ANKRD13A: variants seen among roughly 807,000 people sequenced by gnomAD.
ANKRD13A encodes ankyrin repeat domain-containing protein 13A.
In ANKRD13A, 48 loss-of-function variants were observed where a neutral mutation model predicts 81.3. That is an observed-to-expected ratio of 0.59 (90% CI 0.47 to 0.75). ANKRD13A has a LOEUF of 0.75. ANKRD13A is among the 30% of genes least tolerant of loss of function. ANKRD13A has a pLI of 0.00. For synonymous variants in ANKRD13A, 230 were observed against 270.1 expected (o/e 0.85, Z 1.45); for missense variants, 612 against 734.0 (o/e 0.83, Z 1.92).
chr12:110,022,155 A>C (rs1261045457), intron 6 of ANKRD13A: 1 of 152,198 alleles, frequency 6.6e-6, no homozygotes, highest in Non-Finnish European at 1.5e-5. Flanking sequence ...TGCTTCCAAG[A>C]GTGGAAATGC....
At chr12:110,019,642 T>A (rs533040595) in intron 6 of ANKRD13A, among the ~76,000 whole-genome samples, 3 of 152,212 alleles carry the variant, frequency 2.0e-5, no homozygotes, top group Non-Finnish European at 4.4e-5. Context: ...TGTCTTAGTG[T>A]TTATGGATCC....
At chr12:110,003,748 G>C (rs896317905) in intron 1 of ANKRD13A, among the ~76,000 whole-genome samples, 14 of 152,218 alleles carry the variant, frequency 9.2e-5, no homozygotes, top group Non-Finnish European at 1.9e-4. Flanking sequence ...CTCGGCAGGA[G>C]GATGGCAAGA....
rs566668509 is a variant in ANKRD13A, at chr12:110,034,682, C to A, written c.1509+725C>A. ...GGACAGTCCAAGGCTTGAGGTCCTC[C>A]TCCCCTAACATCAACTCCTTCCATC... On this transcript the variant is annotated intron_variant, in intron 13 of 14. Coordinates refer to ENST00000261739, the MANE Select transcript of ANKRD13A (RefSeq NM_033121.2). Among the ~76,000 whole-genome samples the A allele has an allele frequency of 1.1e-4, 17 of 152,302 alleles. 1 individual carries two copies. In the East Asian group the frequency reaches 1.9e-3, roughly 17 times the overall value.
chr12:110,019,809 T>A (rs1356889321), intron 6 of ANKRD13A, among the ~76,000 whole-genome samples: 1 of 152,162 alleles, frequency 6.6e-6, no homozygotes, highest in Admixed American at 6.6e-5. Context: ...AACCCACCTG[T>A]GAGGTTTAAT....
intron 3 of ANKRD13A, among the ~76,000 whole-genome samples, chr12:110,015,790 A>G (rs1025892847): frequency 1.3e-5 from 2 of 150,502 alleles, no homozygotes; most frequent in Non-Finnish European, 3.0e-5. Context: ...TAACTCATCC[A>G]CCCGCCTCGG....
intron 1 of ANKRD13A, among the ~76,000 whole-genome samples, chr12:110,004,337 C>G (rs1232097578): frequency 6.6e-6 from 1 of 151,414 alleles, no homozygotes; most frequent in African/African-American, 2.4e-5. Flanking sequence ...GAATTCCAGC[C>G]GGGCGTGGTG....
intron 1 of ANKRD13A, among the ~76,000 whole-genome samples, chr12:110,002,480 G>A (rs1321998532): frequency 6.6e-6 from 1 of 152,120 alleles, no homozygotes; most frequent in African/African-American, 2.4e-5. Context: ...GCTGGATGTG[G>A]TGGCACGTGC....
intron 13 of ANKRD13A, among the ~76,000 whole-genome samples, chr12:110,034,288 A>C (rs1336628714): frequency 6.6e-6 from 1 of 152,072 alleles, no homozygotes; most frequent in Non-Finnish European, 1.5e-5. Flanking sequence ...ATTTTTCCTG[A>C]AGGATTACCT....
At chr12:110,007,012 T>C (rs1200762823) in intron 1 of ANKRD13A, among the ~76,000 whole-genome samples, 4 of 152,216 alleles carry the variant, frequency 2.6e-5, no homozygotes, top group African/African-American at 9.6e-5. Flanking sequence ...TGACCATAAA[T>C]GTGTGGGTTT....
At chr12:110,028,490 C>T (rs1397986844) in intron 9 of ANKRD13A, 22 bp from the exon 10 acceptor site, 1 of 1,613,456 alleles carries the variant, frequency 6.2e-7, no homozygotes, top group Non-Finnish European at 8.5e-7. Context: ...ATTTCTGACT[C>T]TCCTGAGTTC....
intron 1 of ANKRD13A, among the ~76,000 whole-genome samples, chr12:110,006,924 G>A (rs1890271876): frequency 2.6e-5 from 4 of 152,166 alleles, no homozygotes. Context: ...ATGTAGATAT[G>A]CAGTTGTTCA....
chr12:110,031,356 C>T (rs984776878), intron 12 of ANKRD13A, among the ~76,000 whole-genome samples: 63 of 150,146 alleles, frequency 4.2e-4, no homozygotes, highest in African/African-American at 1.5e-3. Flanking sequence ...TGGTTCAGTG[C>T]ATTTTTTTTT....
intron 3 of ANKRD13A, 55 bp from the exon 4 acceptor site, chr12:110,016,333 T>G: frequency 7.4e-7 from 1 of 1,355,216 alleles, no homozygotes. Flanking sequence ...CCCCTGCTTA[T>G]GTTGTGTTGA....
chr12:110,011,919 T>C, intron 1 of ANKRD13A, 86 bp from the exon 2 acceptor site: 1 of 1,354,004 alleles, frequency 7.4e-7, no homozygotes, highest in South Asian at 1.5e-5. Context: ...GTTTTCTATT[T>C]TTTGTACTTG....
chr12:110,015,551 C>T (rs1229187944), intron 3 of ANKRD13A, among the ~76,000 whole-genome samples: 1 of 152,082 alleles, frequency 6.6e-6, no homozygotes, highest in Non-Finnish European at 1.5e-5. Context: ...TTTCTGTTCA[C>T]TTTCTTTCTT....
In ANKRD13A at chr12:110,019,340, G is replaced by A. The variant is rs754147288; in HGVS notation, c.734+12G>A. The A allele has an allele frequency of 1.3e-5, 21 of 1,583,216 alleles. No individual in the cohort carries two copies. Among genetic ancestry groups the A allele is most frequent in the Non-Finnish European group, 1.8e-5 (21 of 1,161,746 alleles). ...ATTGCTTTTGAAAGGTACAAATTTA[G>A]ACTCTAAATTTTAATGTCTAATCCC... On this transcript the variant is annotated intron_variant, in intron 6 of 14. Transcript: ENST00000261739.
At position 110,012,021 on chromosome 12, in the gene ANKRD13A, A is replaced by G; in HGVS notation, c.113A>G (p.Asp38Gly). ...ELQGQNVEAV[D>G]PRGRTLLHLA... ...CCTTCACAGAATGTGGAGGCTGTGG[A>G]CCCACGAGGTCGAACATTATTGCAT... The change falls in exon 2 of 15, where the codon GAC (aspartate) becomes GGC (glycine). Residue 38 changes from aspartate (D) to glycine (G), a missense_variant. Transcript: ENST00000261739. The G allele has an allele frequency of 6.2e-7, 1 of 1,608,578 alleles. No homozygotes were observed. The highest frequency in any genetic ancestry group is 8.5e-7 in the Non-Finnish European group (1 of 1,175,324).
chr12:110,002,768 A>C (rs898289179), intron 1 of ANKRD13A, among the ~76,000 whole-genome samples: 1 of 152,162 alleles, frequency 6.6e-6, no homozygotes, highest in Non-Finnish European at 1.5e-5. Flanking sequence ...TGATAGCTGT[A>C]AGAATTTTTT....
chr12:110,026,109 C>T (rs1016289007), intron 8 of ANKRD13A, among the ~76,000 whole-genome samples: 1 of 151,778 alleles, frequency 6.6e-6, no homozygotes, highest in African/African-American at 2.4e-5. Context: ...TTACAAGCAC[C>T]CACCACCACG....
Sources: gnomAD v4.1 joint callset for allele counts (sites outside exome capture counted in the v4.1 genomes callset) on GRCh38, gnomAD v4.1.1 for gene constraint, MANE v1.5 for transcripts, NCBI Gene and HGNC (gene_info 2026-07-23, HGNC 2026-07-21) for gene names.